The following SGK1 variants were observed in gnomAD, a reference collection of about 807,000 sequenced individuals.
SGK1 encodes the protein serum/glucocorticoid regulated kinase 1, also known as serine/threonine-protein kinase Sgk1.
Under a neutral mutation model 64.2 loss-of-function variants are expected in SGK1, and 26 were observed. The ratio of observed to expected loss-of-function variants is 0.40; its 90% CI spans 0.30 to 0.56. SGK1 has a LOEUF of 0.56. Ranked by LOEUF, SGK1 falls within the 20% of genes least tolerant of loss-of-function variation. The pLI, the probability that SGK1 is intolerant of heterozygous loss-of-function variation, is 0.38. For synonymous variants in SGK1, 265 were observed against 239.7 expected, an observed-to-expected ratio of 1.11 and a Z score of -0.98; for missense variants, 519 against 645.6, an observed-to-expected ratio of 0.80 and a Z score of 2.12.
At chr6:134,287,814 T>C (rs942211820) in intron 1 of SGK1, among the ~76,000 whole-genome samples, 2 of 152,140 alleles carry the variant, frequency 1.3e-5, no homozygotes, top group African/African-American at 2.4e-5. Context: ...GCAAGAGACA[T>C]AGGGGACCCT....
chr6:134,277,523 A>T (rs1010019604), intron 1 of SGK1, among the ~76,000 whole-genome samples: 3 of 152,038 alleles, frequency 2.0e-5, no homozygotes, highest in Non-Finnish European at 4.4e-5. Context: ...AGACCCAGGC[A>T]GGTGTGAGAG....
rs1377958665 is a variant in SGK1 at position 134,272,065 on chromosome 6, C to T, written c.70-9917G>A. Among the ~76,000 whole-genome samples, 6 of 146,194 alleles carry T rather than the reference C, an allele frequency of 4.1e-5. 2 individuals carry two copies. In the East Asian group the frequency reaches 1.5e-3, roughly 36 times the overall value. On this transcript the variant is annotated intron_variant, in intron 1 of 13. Transcript: ENST00000367858. ...CCATGTTGACCAGGCTGGTCTCGAA[C>T]TCCTGACCTCAGGCAATCTGCCTGC...
chr6:134,234,832 C>T (rs906817180), intron 2 of SGK1, among the ~76,000 whole-genome samples: 3 of 152,052 alleles, frequency 2.0e-5, no homozygotes, highest in Non-Finnish European at 2.9e-5. Context: ...GTTGAGATTG[C>T]GCCATTGCAC....
chr6:134,240,324 G>A (rs1175960178), intron 2 of SGK1, among the ~76,000 whole-genome samples: 1 of 150,886 alleles, frequency 6.6e-6, no homozygotes, highest in Non-Finnish European at 1.5e-5. Context: ...GAGGGAACTG[G>A]AGAGTTTAAA....
In SGK1 at chr6:134,228,749, G is replaced by A. The variant is rs1421915050; in HGVS notation, c.286-21318C>T. Among the ~76,000 whole-genome samples the A allele has an allele frequency of 2.0e-5, 3 of 151,866 alleles. No individual in the cohort carries two copies. The South Asian group carries it at 6.2e-4, about 31-fold the overall frequency. ...TAAACAGATACGGGTGTTTGCTTAT[G>A]ATACCTTATTTTTAATGTACCCCAA... is the stretch of plus-strand genomic sequence containing the variant. On this transcript the variant is annotated intron_variant, in intron 2 of 13. Coordinates refer to ENST00000367858, the MANE Select transcript of SGK1 (RefSeq NM_001143676.3).
intron 1 of SGK1, among the ~76,000 whole-genome samples, chr6:134,301,581 CT>C (rs1345809424): frequency 2.1e-3 from 241 of 114,596 alleles, no homozygotes; most frequent in Non-Finnish European, 3.8e-3. Context: ...CTCTTCTCTT[CT>C]CTTCCCTTCT....
intron 2 of SGK1, among the ~76,000 whole-genome samples, chr6:134,241,053 T>TC (rs1776438090): frequency 3.6e-5 from 1 of 28,096 alleles, no homozygotes; most frequent in African/African-American, 5.3e-5. Flanking sequence ...TTTTTCTTTT[T>TC]TTTTTTTTTT....
chr6:134,315,960 TA>T (rs1777679031), intron 1 of SGK1, among the ~76,000 whole-genome samples: 1 of 152,226 alleles, frequency 6.6e-6, no homozygotes, highest in African/African-American at 2.4e-5. Flanking sequence ...AGAGAAAAAC[TA>T]AGAAGCCTTG....
At chr6:134,215,420 G>C (rs569164831) in intron 2 of SGK1, among the ~76,000 whole-genome samples, 1 of 151,758 alleles carries the variant, frequency 6.6e-6, no homozygotes, top group African/African-American at 2.4e-5. Flanking sequence ...CTGGCCGAGA[G>C]TAAGTTATTA....
chr6:134,284,579 G>A (rs931285021), intron 1 of SGK1, among the ~76,000 whole-genome samples: 3 of 150,814 alleles, frequency 2.0e-5, no homozygotes, highest in African/African-American at 7.3e-5. Flanking sequence ...CCACCTCCTA[G>A]GTTCAAGCGA....
intron 11 of SGK1, 181 bp from the exon 12 acceptor site, chr6:134,171,359 T>C: frequency 2.0e-6 from 1 of 505,818 alleles, no homozygotes; most frequent in Non-Finnish European, 3.5e-6. Flanking sequence ...TGTGTGTGTT[T>C]GTGTGTGTGT....
intron 5 of SGK1, 60 bp downstream of exon 5, chr6:134,173,945 G>T: frequency 8.7e-7 from 1 of 1,143,400 alleles, no homozygotes; most frequent in South Asian, 1.3e-5. Context: ...CATTAATGTA[G>T]GAATACTAAC....
chr6:134,189,298 T>C (rs575463579), intron 3 of SGK1, among the ~76,000 whole-genome samples: 1 of 152,166 alleles, frequency 6.6e-6, no homozygotes, highest in East Asian at 1.9e-4. Context: ...ACACCAACTT[T>C]GTTCCCTAAT....
chr6:134,174,747 C>A (rs954154822), intron 3 of SGK1, 161 bp from the exon 4 acceptor site: 12 of 1,614,118 alleles, frequency 7.4e-6, no homozygotes, highest in Middle Eastern at 1.6e-4. Context: ...AGAATTGCCA[C>A]CATGCCCCTC....
intron 1 of SGK1, among the ~76,000 whole-genome samples, chr6:134,308,128 C>G (rs1056810480): frequency 6.6e-6 from 1 of 152,134 alleles, no homozygotes; most frequent in African/African-American, 2.4e-5. Context: ...ATGTACTCAT[C>G]GTTTTTTTCC....
intron 3 of SGK1, among the ~76,000 whole-genome samples, chr6:134,200,471 A>C (rs950725672): frequency 2.6e-5 from 4 of 152,216 alleles, no homozygotes; most frequent in African/African-American, 9.6e-5. Flanking sequence ...TGAATGTCAA[A>C]ATCTAGGCAA....
At chr6:134,244,838 C>T (rs1244449163) in intron 2 of SGK1, among the ~76,000 whole-genome samples, 16 of 152,312 alleles carry the variant, frequency 1.1e-4, no homozygotes, top group African/African-American at 3.8e-4. Flanking sequence ...TGCAATGGCG[C>T]AATCTTGGCT....
At position 134,173,824 on chromosome 6, in the gene SGK1, G is replaced by GA. The variant is rs557814324; in HGVS notation, c.513+180dup. 5.4e-4 allele frequency: 316 copies of GA among 589,318 alleles called. 1 individual carries two copies. Among genetic ancestry groups the GA allele is most frequent in the African/African-American group, 4.6e-3 (241 of 52,780 alleles). The allele number at this position is 589,318 out of a possible 1,614,324, so 36.5% of individuals were successfully genotyped here. On this transcript the variant is annotated intron_variant, in intron 5 of 13. Coordinates refer to ENST00000367858, the MANE Select transcript of SGK1 (RefSeq NM_001143676.3). The stretch of plus-strand genomic sequence containing the variant: ...CACTTTGGAGGTAAAATATGCCCAG[G>GA]AAAAAAATAAAATAATACTCTGACT...
intron 3 of SGK1, chr6:134,177,657 A>G: frequency 1.2e-6 from 2 of 1,613,290 alleles, no homozygotes; most frequent in Non-Finnish European, 1.7e-6. Context: ...TACGGTAAGT[A>G]CGAACCTTTC....
Sources: gnomAD v4.1 joint callset for allele counts (sites outside exome capture counted in the v4.1 genomes callset) on GRCh38, gnomAD v4.1.1 for gene constraint, MANE v1.5 for transcripts, NCBI Gene and HGNC (gene_info 2026-07-23, HGNC 2026-07-21) for gene names.